The following CNDP1 variants were observed in gnomAD, a reference collection of about 807,000 sequenced individuals.
CNDP1 encodes carnosine dipeptidase 1.
CNDP1 carries 44 observed loss-of-function variants against 58.1 expected under a neutral mutation model. The observed-to-expected ratio is 0.76, with a 90% CI of 0.60 to 0.97. The LOEUF (loss-of-function observed/expected upper bound fraction) is 0.97. Among genes scored for constraint, CNDP1 ranks in the 50% least tolerant of loss-of-function variants. The pLI, the probability that CNDP1 is intolerant of heterozygous loss-of-function variation, is 0.00. For synonymous variants in CNDP1, 254 were observed against 252.6 expected, an observed-to-expected ratio of 1.01 and a Z score of -0.05; for missense variants, 616 against 655.1, an observed-to-expected ratio of 0.94 and a Z score of 0.65.
chr18:74,584,469 A>G, intron 11 of CNDP1, 27 bp from the exon 12 acceptor site: 1 of 1,550,224 alleles, frequency 6.5e-7, no homozygotes, highest in Middle Eastern at 1.7e-4. Context: ...TTGTAACAAA[A>G]TTTCTCTTTG....
intron 7 of CNDP1, among the ~76,000 whole-genome samples, chr18:74,573,808 G>T (rs1438271569): frequency 6.6e-6 from 1 of 152,216 alleles, no homozygotes; most frequent in African/African-American, 2.4e-5. Context: ...CCCCACAAAG[G>T]CACATTGCTC....
intron 3 of CNDP1, among the ~76,000 whole-genome samples, chr18:74,559,721 A>G (rs541278389): frequency 6.6e-6 from 1 of 152,334 alleles, no homozygotes; most frequent in South Asian, 2.1e-4. Flanking sequence ...AGGTCACCTT[A>G]TCATGGAAAG....
rs1463202979 is a variant in CNDP1 at position 74,554,571 on chromosome 18, A to G, written c.25-1767A>G. 5.3e-5 allele frequency among the ~76,000 whole-genome samples: 8 copies of G among 152,210 alleles called. No homozygotes were observed. In the East Asian group the frequency reaches 5.8e-4, roughly 11 times the overall value. The stretch of plus-strand genomic sequence containing the variant: ...ATGCTCCCCAGCTCACCTTCACTCT[A>G]TGGGGGCTTGAGGCCAAGGGATGGG... On this transcript the variant is annotated intron_variant, in intron 1 of 11. Coordinates refer to ENST00000358821, the MANE Select transcript of CNDP1 (RefSeq NM_032649.6).
chr18:74,578,207 T>C lies in CNDP1; in HGVS notation c.1047T>C (p.Ile349=), dbSNP rs548057968. 28 of 1,614,092 alleles carry C rather than the reference T, an allele frequency of 1.7e-5. No homozygotes were observed. The African/African-American group carries it at 2.9e-4, about 17-fold the overall frequency. ...MHLWRYPSLS[I]HGIEGAFDEP... Reference sequence around the variant, plus strand: ...TCTGGAGGTACCCATCTCTTTCTATTCATGGGATCGAGGGCGCGTTTGATG... The same window carrying C: ...TCTGGAGGTACCCATCTCTTTCTATCCATGGGATCGAGGGCGCGTTTGATG... Residue 349 remains isoleucine, a synonymous_variant, in exon 9 of 12, where the codon ATT becomes ATC. Coordinates refer to ENST00000358821, the MANE Select transcript of CNDP1 (RefSeq NM_032649.6).
intron 6 of CNDP1, among the ~76,000 whole-genome samples, chr18:74,569,705 A>T (rs765527390): frequency 1.3e-5 from 2 of 152,166 alleles, no homozygotes; most frequent in African/African-American, 4.8e-5. Context: ...CATGGGCTCC[A>T]TGGAGTTCCC....
chr18:74,539,333 C>T (rs1220931304), intron 1 of CNDP1, among the ~76,000 whole-genome samples: 1 of 152,144 alleles, frequency 6.6e-6, no homozygotes, highest in Non-Finnish European at 1.5e-5. Context: ...TAAGTAGGCA[C>T]GTGCTAATTT....
intron 1 of CNDP1, among the ~76,000 whole-genome samples, chr18:74,553,154 G>A (rs1310697653): frequency 6.6e-6 from 1 of 152,130 alleles, no homozygotes; most frequent in African/African-American, 2.4e-5. Flanking sequence ...AACTGTAATT[G>A]TCATTTATAG....
In CNDP1 at chr18:74,556,388, C is replaced by T; in HGVS notation, c.75C>T (p.Phe25=). ...TGCTGCTGCTGGAGCGCGGCATGTTCTCCTCACCCTCCCCGCCCCCGGCGC... is the reference window on the plus strand; with the variant it reads ...TGCTGCTGCTGGAGCGCGGCATGTTTTCCTCACCCTCCCCGCCCCCGGCGC... ...VLLLLLERGM[F]SSPSPPPALL... Residue 25 remains phenylalanine (F), a synonymous_variant, in exon 2 of 12, where the codon TTC becomes TTT. Coordinates refer to ENST00000358821, the MANE Select transcript of CNDP1 (RefSeq NM_032649.6). 1.2e-6 allele frequency: 2 copies of T among 1,614,168 alleles called. No individual in the cohort carries two copies. The highest frequency in any genetic ancestry group is 1.1e-5 in the South Asian group (1 of 91,076).
rs199775840 is a variant in CNDP1, at chr18:74,559,421, G to A, written c.252G>A (p.Thr84=). The A allele has an allele frequency of 5.6e-6, 9 of 1,612,944 alleles. No individual in the cohort carries two copies. Among genetic ancestry groups the A allele is most frequent in the South Asian group, 5.5e-5 (5 of 91,062 alleles). ...GAATGATGGCCGTGGCTGCGGACACGCTGCAGCGCCTGGGGGCCCGTGTGG... is the reference window on the plus strand; with the variant it reads ...GAATGATGGCCGTGGCTGCGGACACACTGCAGCGCCTGGGGGCCCGTGTGG... The part of the protein sequence containing the change: ...LFRMMAVAAD[T]LQRLGARVAS... The change falls in exon 3 of 12, where the codon ACG becomes ACA. Residue 84 remains threonine (T), a synonymous_variant. Transcript: ENST00000358821.
At chr18:74,559,293 T>A in intron 2 of CNDP1, 30 bp from the exon 3 acceptor site, 1 of 1,613,572 alleles carries the variant, frequency 6.2e-7, no homozygotes, top group Non-Finnish European at 8.5e-7. Context: ...GGGACCCCAA[T>A]GCTAATGGCC....
chr18:74,543,511 AAAT>A (rs1185216349), intron 1 of CNDP1, among the ~76,000 whole-genome samples: 1 of 81,812 alleles, frequency 1.2e-5, no homozygotes, highest in African/African-American at 4.7e-5. Flanking sequence ...AAACAAAACA[AAAT>A]AAAATAAAAT....
intron 1 of CNDP1, among the ~76,000 whole-genome samples, chr18:74,550,392 C>G (rs1445740177): frequency 2.0e-5 from 3 of 152,124 alleles, no homozygotes; most frequent in Non-Finnish European, 2.9e-5. Context: ...TGATTTCTCC[C>G]TTTTGGAGTG....
At chr18:74,562,575 A>G (rs10469123) in intron 5 of CNDP1, among the ~76,000 whole-genome samples, 15,901 of 152,214 alleles carry the variant, frequency 0.1, 1,240 homozygotes, top group African/African-American at 0.22. Context: ...TTTAAAATGT[A>G]TCAGCTACTT....
At chr18:74,570,371 C>G (rs1403472431) in intron 6 of CNDP1, among the ~76,000 whole-genome samples, 2 of 152,114 alleles carry the variant, frequency 1.3e-5, no homozygotes, top group Non-Finnish European at 2.9e-5. Flanking sequence ...AGACTTTGAT[C>G]TGGGCAGAGC....
intron 5 of CNDP1, among the ~76,000 whole-genome samples, chr18:74,566,510 T>A (rs1275479726): frequency 6.6e-6 from 1 of 152,160 alleles, no homozygotes; most frequent in Non-Finnish European, 1.5e-5. Flanking sequence ...CTAAATCATC[T>A]CTCTCAAGTT....
At chr18:74,551,902 C>T (rs113439487) in intron 1 of CNDP1, among the ~76,000 whole-genome samples, 13 of 148,508 alleles carry the variant, frequency 8.8e-5, no homozygotes, top group South Asian at 4.2e-4. Flanking sequence ...TCAATTGGAT[C>T]GATTGCGAAA....
chr18:74,579,368 CCTTTT>C (rs1200170133), intron 9 of CNDP1, among the ~76,000 whole-genome samples: 26 of 124,810 alleles, frequency 2.1e-4, no homozygotes, highest in Middle Eastern at 5.0e-3. Context: ...CCTTCCCTTT[CCTTTT>C]ATCTTTCTCT....
At chr18:74,553,474 T>C (rs1980960114) in intron 1 of CNDP1, among the ~76,000 whole-genome samples, 1 of 152,190 alleles carries the variant, frequency 6.6e-6, no homozygotes, top group Admixed American at 6.5e-5. Flanking sequence ...TATCATTTGC[T>C]TGTGGATATC....
At chr18:74,551,160 C>A (rs567035174) in intron 1 of CNDP1, among the ~76,000 whole-genome samples, 28 of 152,256 alleles carry the variant, frequency 1.8e-4, no homozygotes, top group South Asian at 1.2e-3. Context: ...TCCTGCTTCA[C>A]CTTCTGCCAT....
Sources: gnomAD v4.1 joint callset for allele counts (sites outside exome capture counted in the v4.1 genomes callset) on GRCh38, gnomAD v4.1.1 for gene constraint, MANE v1.5 for transcripts, NCBI Gene and HGNC (gene_info 2026-07-23, HGNC 2026-07-21) for gene names.